Variants in SHISA6 observed in about 807,000 individuals in gnomAD.
The protein encoded by SHISA6 is protein shisa-6.
SHISA6 carries 22 observed loss-of-function variants against 47.9 expected under a neutral mutation model. That is an observed-to-expected ratio of 0.46 (90% CI 0.33 to 0.66). The LOEUF is 0.66. SHISA6 is among the 30% of genes least tolerant of loss of function. The pLI is 0.02. For synonymous variants in SHISA6, 388 were observed against 337.8 expected (o/e 1.15, Z -1.63); for missense variants, 680 against 764.6 (o/e 0.89, Z 1.30).
chr17:11,507,308 C>G (rs1172893476), intron 3 of SHISA6, among the ~76,000 whole-genome samples: 2 of 152,166 alleles, frequency 1.3e-5, no homozygotes, highest in African/African-American at 2.4e-5. Context: ...CACATAAGAC[C>G]TGCCACCTAC....
intron 3 of SHISA6, among the ~76,000 whole-genome samples, chr17:11,487,823 C>A (rs188436953): frequency 1.3e-5 from 2 of 152,184 alleles, no homozygotes; most frequent in Admixed American, 6.5e-5. Context: ...GGGATGTGAC[C>A]CTTCTTGAAG....
At chr17:11,495,357 C>T (rs534718458) in intron 3 of SHISA6, among the ~76,000 whole-genome samples, 12 of 152,260 alleles carry the variant, frequency 7.9e-5, no homozygotes, top group Admixed American at 3.3e-4. Context: ...CATTTGTGGG[C>T]TGTGTTCTCT....
chr17:11,492,271 G>T (rs2071368440), intron 3 of SHISA6, among the ~76,000 whole-genome samples: 2 of 152,104 alleles, frequency 1.3e-5, no homozygotes, highest in South Asian at 4.1e-4. Context: ...GCCTCTTAGT[G>T]TTCAATCTAG....
chr17:11,538,664 A>G (rs2071807648), intron 3 of SHISA6, among the ~76,000 whole-genome samples: 1 of 152,184 alleles, frequency 6.6e-6, no homozygotes, highest in Non-Finnish European at 1.5e-5. Context: ...GAATCTTCCA[A>G]AATCATAATT....
At chr17:11,353,329 C>T (rs1911957242) in intron 2 of SHISA6, among the ~76,000 whole-genome samples, 1 of 151,734 alleles carries the variant, frequency 6.6e-6, no homozygotes, top group African/African-American at 2.4e-5. Flanking sequence ...TGGTGGTGCG[C>T]ACATGTAGTC....
chr17:11,262,051 T>C (rs1337167912), intron 1 of SHISA6, among the ~76,000 whole-genome samples: 1 of 152,238 alleles, frequency 6.6e-6, no homozygotes, highest in Non-Finnish European at 1.5e-5. Context: ...TTTACAGTTT[T>C]GGGACTAATA....
intron 2 of SHISA6, among the ~76,000 whole-genome samples, chr17:11,365,273 AATTATT>A (rs918710064): frequency 6.6e-6 from 1 of 151,608 alleles, no homozygotes; most frequent in Non-Finnish European, 1.5e-5. Flanking sequence ...TATTGGTTGA[AATTATT>A]ATTATTATTA....
At chr17:11,316,417 C>CT (rs1910522719) in intron 2 of SHISA6, among the ~76,000 whole-genome samples, 4 of 52,030 alleles carry the variant, frequency 7.7e-5, no homozygotes, top group African/African-American at 3.3e-4. Flanking sequence ...CTCTCTCTCT[C>CT]TCTTTTTTTT....
At chr17:11,405,307 C>G (rs1035500819) in intron 3 of SHISA6, among the ~76,000 whole-genome samples, 1 of 152,108 alleles carries the variant, frequency 6.6e-6, no homozygotes, top group African/African-American at 2.4e-5. Flanking sequence ...TTCTAACAAA[C>G]CCCTGGGGCT....
chr17:11,268,650 C>A (rs886140479), intron 2 of SHISA6, among the ~76,000 whole-genome samples: 1 of 152,240 alleles, frequency 6.6e-6, no homozygotes, highest in African/African-American at 2.4e-5. Context: ...CTTACATCAT[C>A]TAACATCATA....
At position 11,419,779 on chromosome 17, in the gene SHISA6, C is replaced by A. The variant is rs75863960; in HGVS notation, c.895+40270C>A. Among the ~76,000 whole-genome samples, 490 of 152,266 alleles carry A rather than the reference C, an allele frequency of 3.2e-3. 3 individuals carry two copies. Among genetic ancestry groups the A allele is most frequent in the African/African-American group, 0.011 (473 of 41,550 alleles). ...GATTGGGAAGATCATCCTTTGCATT[C>A]CATTTCCACCACCTTTTCCCTGGAT... On this transcript the variant is annotated intron_variant, in intron 3 of 5. Transcript: ENST00000441885.
intron 3 of SHISA6, among the ~76,000 whole-genome samples, chr17:11,509,496 G>A (rs957238356): frequency 6.6e-6 from 1 of 152,172 alleles, no homozygotes; most frequent in Non-Finnish European, 1.5e-5. Flanking sequence ...CTCCTTGGTG[G>A]TGTAACCAGC....
At chr17:11,310,673 C>CT (rs1248505231) in intron 2 of SHISA6, among the ~76,000 whole-genome samples, 2 of 152,128 alleles carry the variant, frequency 1.3e-5, no homozygotes, top group Admixed American at 6.6e-5. Context: ...CATATTTATG[C>CT]TTTAAAAAGA....
At chr17:11,263,226 T>A in intron 1 of SHISA6, 140 bp from the exon 2 acceptor site, 1 of 863,094 alleles carries the variant, frequency 1.2e-6, no homozygotes, top group Non-Finnish European at 1.8e-6. Flanking sequence ...CAGATGTAGC[T>A]GACTATTGAG....
intron 3 of SHISA6, among the ~76,000 whole-genome samples, chr17:11,393,523 A>G (rs1913460825): frequency 1.3e-5 from 2 of 152,152 alleles, no homozygotes; most frequent in African/African-American, 2.4e-5. Context: ...GCTCCAATGT[A>G]CCTTCCTAAC....
At chr17:11,325,723 A>C (rs1910860269) in intron 2 of SHISA6, among the ~76,000 whole-genome samples, 1 of 151,960 alleles carries the variant, frequency 6.6e-6, no homozygotes, top group African/African-American at 2.4e-5. Flanking sequence ...ACTTGATGTC[A>C]AGAGACATTG....
intron 4 of SHISA6, among the ~76,000 whole-genome samples, chr17:11,553,720 T>A (rs1018462786): frequency 6.6e-6 from 1 of 152,066 alleles, no homozygotes; most frequent in South Asian, 2.1e-4. Flanking sequence ...TCAAAAAAAA[T>A]TGGAAAGCAA....
chr17:11,467,678 A>T (rs878941351), intron 3 of SHISA6, among the ~76,000 whole-genome samples: 2 of 152,128 alleles, frequency 1.3e-5, no homozygotes, highest in Admixed American at 1.3e-4. Context: ...CTGTTTGGGG[A>T]GTGAGAATAC....
intron 2 of SHISA6, among the ~76,000 whole-genome samples, chr17:11,350,182 AT>A (rs778331945): frequency 0.034 from 3,940 of 116,194 alleles, 94 homozygotes; most frequent in East Asian, 0.098. Context: ...TTATTTATTT[AT>A]TTTTTTTTTT....
Sources: allele counts gnomAD v4.1 joint callset (sites outside exome capture counted in the v4.1 genomes callset), GRCh38; gene constraint gnomAD v4.1.1; transcripts MANE v1.5; gene names NCBI Gene and HGNC (gene_info 2026-07-23, HGNC 2026-07-21).